Variants in LRP2 observed in about 807,000 individuals in gnomAD.
LRP2 encodes low-density lipoprotein receptor-related protein 2.
A neutral mutation model predicts 531.0 loss-of-function variants in LRP2; 172 were observed. The observed-to-expected ratio is 0.32, with a 90% CI of 0.29 to 0.37. The LOEUF is 0.37. Ranked by LOEUF, LRP2 falls within the 10% of genes least tolerant of loss-of-function variation. LRP2 has a pLI of 1.00. For missense variants in LRP2, 5,167 were observed against 5,868.3 expected, an observed-to-expected ratio of 0.88 and a Z score of 3.90; for synonymous variants, 1,992 against 2,027.6, an observed-to-expected ratio of 0.98 and a Z score of 0.47.
At position 169,294,182 on chromosome 2, in the gene LRP2, A is replaced by G. The variant is rs1298907989; in HGVS notation, c.618T>C (p.Asn206=). 2 of 1,613,876 alleles carry G rather than the reference A, an allele frequency of 1.2e-6. No individual in the cohort carries two copies. Among genetic ancestry groups the G allele is most frequent in the Non-Finnish European group, 1.7e-6 (2 of 1,179,790 alleles). Residue 206 remains asparagine, a synonymous_variant, in exon 6 of 79, where the codon AAT becomes AAC. Transcript: ENST00000649046. ...IPRAYVCDHD[N]DCQDGSDEHA... ...GTTCGTCACTGCCGTCTTGGCAATC[A>G]TTGTCATGGTCACAGACATAAGCAC...
chr2:169,358,817 AC>A (rs1686063707), intron 1 of LRP2, among the ~76,000 whole-genome samples: 1 of 150,486 alleles, frequency 6.6e-6, no homozygotes, highest in African/African-American at 2.4e-5. Context: ...ACACAGTGAG[AC>A]CCCATTTCTA....
chr2:169,133,574 A>G (rs1685368761), intron 76 of LRP2, among the ~76,000 whole-genome samples: 1 of 129,002 alleles, frequency 7.8e-6, no homozygotes, highest in South Asian at 2.9e-4. Context: ...AAAATGTGCC[A>G]TATCTCGAGT....
At chr2:169,200,066 T>A (rs181356412) in intron 44 of LRP2, among the ~76,000 whole-genome samples, 8 of 152,074 alleles carry the variant, frequency 5.3e-5, no homozygotes, top group Non-Finnish European at 7.4e-5. Context: ...CTGGCTAACA[T>A]GGTGAAACCT....
At chr2:169,140,432 G>T (rs768747806) in intron 72 of LRP2, 23 bp downstream of exon 72, 2 of 1,596,226 alleles carry the variant, frequency 1.3e-6, no homozygotes, top group East Asian at 2.2e-5. Context: ...GCCTATAGCT[G>T]GGACCTCAAC....
At chr2:169,171,068 A>G (rs1428529215) in intron 58 of LRP2, among the ~76,000 whole-genome samples, 3 of 150,710 alleles carry the variant, frequency 2.0e-5, no homozygotes, top group African/African-American at 7.3e-5. Flanking sequence ...GCTTGATTTT[A>G]TCTTAATTTT....
chr2:169,238,099 T>C lies in LRP2; in HGVS notation c.4498A>G (p.Arg1500Gly), dbSNP rs777314724. 4.3e-6 allele frequency: 7 copies of C among 1,613,990 alleles called. No homozygotes were observed. The highest frequency in any genetic ancestry group is 1.7e-5 in the Admixed American group (1 of 60,020). ...AACAGAAATGTACTTACCACTCTTC[T>C]GTCCGTTCCATTTTGAAACGCACTC... ...TWSAFQNGTDRRVVFDSSIIL... is the reference protein window; with the variant it reads ...TWSAFQNGTDGRVVFDSSIIL... Residue 1500 changes from arginine (R) to glycine (G), a missense_variant, in exon 27 of 79, where the codon AGA becomes GGA. This residue lies in a region of LRP2 where 2,811 missense variants were observed against 3,058.0 expected (regional missense o/e 0.92). Coordinates refer to ENST00000649046, the MANE Select transcript of LRP2 (RefSeq NM_004525.3).
rs534829035 is a variant in LRP2 at position 169,201,660 on chromosome 2, T to C, written c.8420A>G (p.His2807Arg). ...TTTCTCATCTGAAGTGTTATTATCA[T>C]GGCAGTTGTCTACACCATTGCAGAT... ...EFICNGVDNC[H>R]DNNTSDEKNC... The change falls in exon 44 of 79, where the codon CAT (histidine) becomes CGT (arginine). Residue 2807 changes from histidine (H) to arginine (R), a missense_variant. By Grantham distance (29) the His-to-Arg change is conservative (BLOSUM62 0). Around this residue, in one of 6 missense-constraint regions of LRP2, gnomAD observed 1,129 missense variants for 1,362.7 expected, o/e 0.83. Coordinates refer to ENST00000649046, the MANE Select transcript of LRP2 (RefSeq NM_004525.3). The C allele has an allele frequency of 3.1e-6, 5 of 1,614,186 alleles. No homozygotes were observed. The Admixed American group carries it at 5.0e-5, about 16-fold the overall frequency.
At chr2:169,280,837 C>G (rs73971832) in intron 10 of LRP2, among the ~76,000 whole-genome samples, 2 of 152,134 alleles carry the variant, frequency 1.3e-5, no homozygotes, top group African/African-American at 2.4e-5. Context: ...CAGATATTTT[C>G]GAGACTCCTT....
At position 169,241,044 on chromosome 2, in the gene LRP2, A is replaced by G; in HGVS notation, c.3989T>C (p.Val1330Ala). 6.2e-7 allele frequency: 1 copy of G among 1,614,158 alleles called. No individual in the cohort carries two copies. The highest frequency in any genetic ancestry group is 1.6e-4 in the Middle Eastern group (1 of 6,062). Reference sequence around the variant, plus strand: ...GCAGTCAAAGATGCCATCACACACTACACTCAGATTCACACAGATGTTATG... The same window carrying G: ...GCAGTCAAAGATGCCATCACACACTGCACTCAGATTCACACAGATGTTATG... Reference protein sequence around the residue: ...LGHNICVNLSVVCDGIFDCPN... With the variant: ...LGHNICVNLSAVCDGIFDCPN... The change falls in exon 25 of 79, where the codon GTA becomes GCA. Residue 1330 changes from valine (V) to alanine (A), a missense_variant. Val to Ala is a moderately conservative substitution (Grantham distance 64). This residue lies in a region of LRP2 where 2,811 missense variants were observed against 3,058.0 expected (regional missense o/e 0.92). Transcript: ENST00000649046.
chr2:169,184,742 A>G (rs1293443794), intron 50 of LRP2, among the ~76,000 whole-genome samples: 2 of 146,452 alleles, frequency 1.4e-5, no homozygotes, highest in East Asian at 2.0e-4. Flanking sequence ...AATGACTAGT[A>G]TTGGTTGTTT....
At chr2:169,140,653 A>G in intron 71 of LRP2, 108 bp from the exon 72 acceptor site, 1 of 747,918 alleles carries the variant, frequency 1.3e-6, no homozygotes, top group Non-Finnish European at 2.4e-6. Flanking sequence ...AGGCCAGCCA[A>G]TTAGTCTCCC....
intron 33 of LRP2, among the ~76,000 whole-genome samples, chr2:169,222,386 C>T (rs536935966): frequency 1.3e-5 from 2 of 152,280 alleles, no homozygotes; most frequent in Admixed American, 1.3e-4. Flanking sequence ...TGTCCAAGGT[C>T]GAATAGCTCA....
At chr2:169,215,653 C>G (rs1230168884) in intron 35 of LRP2, among the ~76,000 whole-genome samples, 1 of 149,454 alleles carries the variant, frequency 6.7e-6, no homozygotes, top group African/African-American at 2.4e-5. Flanking sequence ...ATATCCTATA[C>G]AGATATATAA....
rs189793776 is a variant in LRP2 at position 169,241,683 on chromosome 2, T to C, written c.3668-318A>G. Among the ~76,000 whole-genome samples, 3 of 152,306 alleles carry C rather than the reference T, an allele frequency of 2.0e-5. 1 individual carries two copies. The East Asian group carries it at 5.8e-4, about 29-fold the overall frequency. ...TTTTAATGTACTTCCAATTGCAGATTCAATAATAAAGTTTATCTATCTTTC... is the reference window on the plus strand; with the variant it reads ...TTTTAATGTACTTCCAATTGCAGATCCAATAATAAAGTTTATCTATCTTTC... On this transcript the variant is annotated intron_variant, in intron 24 of 78. Coordinates refer to ENST00000649046, the MANE Select transcript of LRP2 (RefSeq NM_004525.3).
At chr2:169,166,939 TATA>T (rs1195139815) in intron 61 of LRP2, among the ~76,000 whole-genome samples, 5 of 152,210 alleles carry the variant, frequency 3.3e-5, no homozygotes. Context: ...AGGAGAGACT[TATA>T]ATAAGATTGG....
Position 169,181,615 on chromosome 2 carries a change from G to A in LRP2, c.10002C>T (p.Tyr3334=). 2 of 1,614,028 alleles carry A rather than the reference G, an allele frequency of 1.2e-6. No individual in the cohort carries two copies. Among genetic ancestry groups the A allele is most frequent in the Non-Finnish European group, 1.7e-6 (2 of 1,179,988 alleles). ...RGLALHPQYG[Y]LYWADWGHRA... ...GGTGACCCCAGTCTGCCCAGTAGAG[G>A]TACCTGTCAGGGCAAACACAAAGGG... Residue 3334 remains tyrosine (Y), a synonymous_variant, in exon 52 of 79, where the codon TAC becomes TAT. Coordinates refer to ENST00000649046, the MANE Select transcript of LRP2 (RefSeq NM_004525.3).
chr2:169,292,548 A>C (rs1167463899), intron 6 of LRP2, among the ~76,000 whole-genome samples, 179 bp from the exon 7 acceptor site: 3 of 152,224 alleles, frequency 2.0e-5, no homozygotes, highest in Non-Finnish European at 4.4e-5. Context: ...AGAAAGAAGA[A>C]GATAACAGCA....
chr2:169,362,290 G>C, intron 1 of LRP2, 31 bp downstream of exon 1: 1 of 1,523,390 alleles, frequency 6.6e-7, no homozygotes, highest in Non-Finnish European at 8.9e-7. Context: ...GGAAGTGGGG[G>C]CTCCACGAGA....
chr2:169,137,609 C>T (rs1448168140), intron 75 of LRP2, 116 bp from the exon 76 acceptor site: 29 of 590,142 alleles, frequency 4.9e-5, no homozygotes, highest in South Asian at 1.0e-4. Context: ...CCTGGAGGTA[C>T]GCTAGGTGCT....
Sources: allele counts gnomAD v4.1 joint callset (sites outside exome capture counted in the v4.1 genomes callset), GRCh38; gene constraint gnomAD v4.1.1; regional missense constraint gnomAD v4.1.1; transcripts MANE v1.5; gene names NCBI Gene and HGNC (gene_info 2026-07-23, HGNC 2026-07-21).